CYFIP1: variants seen among roughly 807,000 people sequenced by gnomAD.
CYFIP1 encodes the protein cytoplasmic FMR1-interacting protein 1.
CYFIP1 carries 58 observed loss-of-function variants against 163.5 expected under a neutral mutation model. The observed-to-expected ratio is 0.35, with a 90% confidence interval of 0.29 to 0.44. The LOEUF (loss-of-function observed/expected upper bound fraction) is 0.44, where lower values mean the gene tolerates loss of function less well. Ranked by LOEUF, CYFIP1 falls within the 20% of genes least tolerant of loss-of-function variation. The pLI, the probability that CYFIP1 is intolerant of heterozygous loss-of-function variation, is 1.00. For missense variants in CYFIP1, 1,338 were observed against 1,653.8 expected (o/e 0.81, Z 3.31); for synonymous variants, 663 against 660.7 (o/e 1.00, Z -0.05).
At chr15:22,937,388 TG>T (rs1438894614) in intron 8 of CYFIP1, among the ~76,000 whole-genome samples, 180 bp from the exon 9 acceptor site, 39 of 152,228 alleles carry the variant, frequency 2.6e-4, no homozygotes, top group African/African-American at 9.4e-4. Context: ...TCAGTGAAAC[TG>T]GGATACAAAG....
At chr15:22,964,294 ACACACACACACACACACACAAC>A (rs2062811364) in intron 1 of CYFIP1, among the ~76,000 whole-genome samples, 2 of 115,996 alleles carry the variant, frequency 1.7e-5, no homozygotes, top group African/African-American at 3.4e-5. Context: ...ACACACACAC[ACACACACACACACACACACAAC>A]TGGCGGCCCC....
At chr15:22,903,946 A>C in intron 21 of CYFIP1, 41 bp from the exon 22 acceptor site, 1 of 1,594,960 alleles carries the variant, frequency 6.3e-7, no homozygotes, top group Non-Finnish European at 8.6e-7. Flanking sequence ...GAGCTGGTCC[A>C]GGCAGGAAGG....
At chr15:22,947,458 G>A in intron 1 of CYFIP1, 167 bp from the exon 2 acceptor site, 2 of 917,694 alleles carry the variant, frequency 2.2e-6, no homozygotes, top group South Asian at 1.9e-5. Context: ...TCTCTCTCAG[G>A]GCACGTGGGC....
chr15:22,951,276 T>C, intron 1 of CYFIP1: 1 of 1,095,836 alleles, frequency 9.1e-7, no homozygotes, highest in Admixed American at 4.4e-5. Context: ...CTGCTGCATG[T>C]TCCTCACTAG....
rs753652244 is a variant in CYFIP1 at position 22,944,936 on chromosome 15, C to T, written c.211G>A (p.Glu71Lys). 9 of 1,613,990 alleles carry T rather than the reference C, an allele frequency of 5.6e-6. No individual in the cohort carries two copies. Among genetic ancestry groups the T allele is most frequent in the South Asian group, 2.2e-5 (2 of 91,074 alleles). Residue 71 changes from glutamate to lysine, a missense_variant, in exon 4 of 31, where the codon GAG (glutamate) becomes AAG (lysine). Glu to Lys is a moderately conservative substitution (Grantham distance 56, BLOSUM62 1). Transcript: ENST00000617928. Reference sequence around the variant, plus strand: ...TATTCTTGGCCCTCCTCCAGCATCTCGTTCTGCAATGGAACACAGGGCAAA... The same window carrying T: ...TATTCTTGGCCCTCCTCCAGCATCTTGTTCTGCAATGGAACACAGGGCAAA... ...EQATVHSSMNEMLEEGQEYAV... is the reference protein window; with the variant it reads ...EQATVHSSMNKMLEEGQEYAV...
At chr15:22,930,943 C>T (rs1010956691) in intron 11 of CYFIP1, among the ~76,000 whole-genome samples, 4 of 152,212 alleles carry the variant, frequency 2.6e-5, no homozygotes, top group African/African-American at 9.7e-5. Flanking sequence ...CTCCCACTCG[C>T]TCGCCACTCA....
At chr15:22,886,533 C>T (rs1262197156) in intron 23 of CYFIP1, among the ~76,000 whole-genome samples, 1 of 151,974 alleles carries the variant, frequency 6.6e-6, no homozygotes, top group Non-Finnish European at 1.5e-5. Flanking sequence ...TTGAGATTTC[C>T]TCTTCAACCC....
At position 22,879,898 on chromosome 15, in the gene CYFIP1, T is replaced by TG. The variant is rs771574421; in HGVS notation, c.3042+14dup. 10 of 1,603,844 alleles carry TG rather than the reference T, an allele frequency of 6.2e-6. No individual in the cohort carries two copies. In the South Asian group the frequency reaches 7.7e-5, roughly 12 times the overall value. On this transcript the variant is annotated intron_variant, in intron 26 of 30. Transcript: ENST00000617928. ...GGGCTGGGGCGGGGAGGGGCGGCGT[T>TG]GGGGGGCCACTCACCAGGCTCTGCT...
At position 22,917,261 on chromosome 15, in the gene CYFIP1, G is replaced by A; in HGVS notation, c.1674+527C>T. 1.4e-6 allele frequency: 2 copies of A among 1,390,996 alleles called. No individual in the cohort carries two copies. The allele number at this position is 1,390,996 out of a possible 1,614,324, so 86.2% of individuals were successfully genotyped here. A position where few individuals can be genotyped will look rare whatever the true frequency, so the allele number is the denominator to read the frequency against. ...TTAAAAGCCTCCGGCAGAGATGAGG[G>A]AGAAGACCAGCCCCAGGACGGAGGA... On this transcript the variant is annotated intron_variant, in intron 15 of 30. Coordinates refer to ENST00000617928, the MANE Select transcript of CYFIP1 (RefSeq NM_014608.6). This position sits in a 1 kb window ranked among gnomAD's most constrained non-coding sequence, Gnocchi z 4.2.
chr15:22,870,457 T>C (rs1808649780), intron 30 of CYFIP1, among the ~76,000 whole-genome samples: 1 of 152,024 alleles, frequency 6.6e-6, no homozygotes, highest in Admixed American at 6.6e-5. Flanking sequence ...CACAGGCGTG[T>C]ACCACCACAC....
chr15:22,904,116 T>A, intron 21 of CYFIP1: 2 of 601,672 alleles, frequency 3.3e-6, no homozygotes, highest in Non-Finnish European at 5.9e-6. Flanking sequence ...CTTTCTCCAC[T>A]GCAGTCACCT....
intron 1 of CYFIP1, among the ~76,000 whole-genome samples, chr15:22,953,039 C>T (rs367854024): frequency 3.3e-5 from 5 of 152,246 alleles, no homozygotes; most frequent in Non-Finnish European, 5.9e-5. Flanking sequence ...CAGCTGTCAC[C>T]GCACGCACAC....
At chr15:22,908,581 G>A (rs1053006296) in intron 21 of CYFIP1, among the ~76,000 whole-genome samples, 3 of 137,226 alleles carry the variant, frequency 2.2e-5, no homozygotes, top group Non-Finnish European at 4.6e-5. Flanking sequence ...CCAGGCTGGA[G>A]TGCAGTGGCG....
rs572209862 is a variant in CYFIP1 at position 22,942,880 on chromosome 15, C to T, written c.569+293G>A. Among the ~76,000 whole-genome samples the T allele has an allele frequency of 3.0e-3, 456 of 152,316 alleles. 3 individuals carry two copies. The highest frequency in any genetic ancestry group is 0.01 in the African/African-American group (433 of 41,570). ...TGTGCTCTGTGAGCTAGGCCTACAT[C>T]TTGTGCATGTCTGTCTTCCCAGGGG... On this transcript the variant is annotated intron_variant, in intron 6 of 30. Coordinates refer to ENST00000617928, the MANE Select transcript of CYFIP1 (RefSeq NM_014608.6).
At chr15:22,921,214 A>G (rs572986050) in intron 13 of CYFIP1, among the ~76,000 whole-genome samples, 9 of 151,974 alleles carry the variant, frequency 5.9e-5, no homozygotes, top group South Asian at 2.1e-4. Context: ...CTAAAAATAC[A>G]AAAATTAGCC....
chr15:22,903,681 G>A (rs996548338), intron 22 of CYFIP1, 25 bp downstream of exon 22: 28 of 1,612,712 alleles, frequency 1.7e-5, no homozygotes, highest in African/African-American at 2.7e-5. Context: ...TCGCCTGTGG[G>A]CGCCTGTGTG....
intron 9 of CYFIP1, among the ~76,000 whole-genome samples, chr15:22,934,700 G>A (rs890274696): frequency 6.7e-6 from 1 of 150,130 alleles, no homozygotes; most frequent in Admixed American, 6.7e-5. Context: ...GGTTTTCACC[G>A]TGTTAGCCAG....
At chr15:22,965,449 G>A (rs536001738) in intron 1 of CYFIP1, among the ~76,000 whole-genome samples, 1 of 152,282 alleles carries the variant, frequency 6.6e-6, no homozygotes, top group Admixed American at 6.5e-5. Context: ...ACGTAAACTT[G>A]GATACACAAA....
At position 22,904,003 on chromosome 15, in the gene CYFIP1, C is replaced by T. The variant is rs989586052; in HGVS notation, c.2389-98G>A. 18 of 1,155,008 alleles carry T rather than the reference C, an allele frequency of 1.6e-5. No homozygotes were observed. In the Admixed American group the frequency reaches 3.5e-4, roughly 22 times the overall value. The allele number at this position is 1,155,008 out of a possible 1,614,324, so 71.5% of individuals were successfully genotyped here. On this transcript the variant is annotated intron_variant, in intron 21 of 30. Transcript: ENST00000617928. ...CCCACCCAGGCCTCACAGTCCCTGG[C>T]AGGGCTGCACGGAGGCAGCCCCCAG...
Sources: allele counts gnomAD v4.1 joint callset (sites outside exome capture counted in the v4.1 genomes callset), GRCh38; gene constraint gnomAD v4.1.1; non-coding constraint Gnocchi (gnomAD v3.1); transcripts MANE v1.5; gene names NCBI Gene and HGNC (gene_info 2026-07-23, HGNC 2026-07-21).